The following ZNF491 variants were observed in gnomAD, a reference collection of about 807,000 sequenced individuals.
ZNF491 encodes the protein zinc finger protein 491.
ZNF491 carries 22 observed loss-of-function variants against 34.7 expected under a neutral mutation model. The observed-to-expected ratio is 0.63, with a 90% CI of 0.45 to 0.90. The LOEUF (loss-of-function observed/expected upper bound fraction) is 0.90, where lower values mean the gene tolerates loss of function less well. Among genes scored for constraint, ZNF491 ranks in the 40% least tolerant of loss-of-function variants. The pLI is 0.00. For synonymous variants in ZNF491, 148 were observed against 174.3 expected (o/e 0.85, Z 1.19); for missense variants, 559 against 531.7 (o/e 1.05, Z -0.51).
At chr19:11,803,019 T>C (rs1042184418) in intron 1 of ZNF491, among the ~76,000 whole-genome samples, 1 of 151,714 alleles carries the variant, frequency 6.6e-6, no homozygotes, top group Non-Finnish European at 1.5e-5. Context: ...TCTCACTCTG[T>C]TGTCCAGGCT....
chr19:11,805,933 G>C lies in ZNF491; in HGVS notation c.-7-14G>C, dbSNP rs1272267766. On this transcript the variant is annotated splice_polypyrimidine_tract_variant and intron_variant, in intron 2 of 2. Coordinates refer to ENST00000323169, the MANE Select transcript of ZNF491 (RefSeq NM_152356.4). ...TAAACAGACCCTTAATTATGTGCTT[G>C]GCATTTTTCACAGAAATTTTATGGG... is the stretch of plus-strand genomic sequence containing the variant. The C allele has an allele frequency of 1.3e-6, 2 of 1,527,758 alleles. No homozygotes were observed. Among genetic ancestry groups the C allele is most frequent in the East Asian group, 2.3e-5 (1 of 44,424 alleles). 94.6% of individuals were successfully genotyped at this position (1,527,758 alleles called of 1,614,324 possible). A position where few individuals can be genotyped will look rare whatever the true frequency, so the allele number is the denominator to read the frequency against.
chr19:11,805,908 TA>T (rs2145100846), intron 2 of ZNF491, 38 bp from the exon 3 acceptor site: 1 of 1,461,802 alleles, frequency 6.8e-7, no homozygotes, highest in East Asian at 2.3e-5. Context: ...AAATCGCTTA[TA>T]AACAGACCCT....
chr19:11,800,423 T>C (rs2145095818), intron 1 of ZNF491, among the ~76,000 whole-genome samples: 1 of 152,312 alleles, frequency 6.6e-6, no homozygotes, highest in East Asian at 1.9e-4. Context: ...CCATGCTACA[T>C]TTGAAACAGC....
chr19:11,806,521 A>G lies in ZNF491; in HGVS notation c.568A>G (p.Lys190Glu), dbSNP rs1975615538. 1 of 1,614,170 alleles carries G rather than the reference A, an allele frequency of 6.2e-7. No homozygotes were observed. Among genetic ancestry groups the G allele is most frequent in the Admixed American group, 1.7e-5 (1 of 60,022 alleles). Residue 190 changes from lysine to glutamate, a missense_variant, in exon 3 of 3, where the codon AAG becomes GAG. By Grantham distance (56) the Lys-to-Glu change is moderately conservative. Coordinates refer to ENST00000323169, the MANE Select transcript of ZNF491 (RefSeq NM_152356.4). ...CACTGGGGAGAAGCCATATGAATGT[A>G]AGGAGTGTGGGAAATCATTCAATTT... ...THTGEKPYEC[K>E]ECGKSFNFSS...
intron 1 of ZNF491, among the ~76,000 whole-genome samples, chr19:11,800,189 T>A (rs551721467): frequency 6.6e-6 from 1 of 152,222 alleles, no homozygotes; most frequent in African/African-American, 2.4e-5. Context: ...TAGAAGGGTT[T>A]TTGCTACCAC....
Position 11,804,764 on chromosome 19 carries a change from CT to C in ZNF491, c.-8+99del, listed in dbSNP as rs572141976. The C allele has an allele frequency of 3.9e-5, 20 of 513,014 alleles. No homozygotes were observed. In the East Asian group the frequency reaches 1.4e-3, roughly 37 times the overall value. 31.8% of individuals were successfully genotyped at this position (513,014 alleles called of 1,614,324 possible). A position where few individuals can be genotyped will look rare whatever the true frequency, so the allele number is the denominator to read the frequency against. On this transcript the variant is annotated intron_variant, in intron 2 of 2. Transcript: ENST00000323169. ...GGATTTGGAATATGGATAGGCAATC[CT>C]TCGATGAACAAATCAGGCATGGCTG...
rs986063664 is a variant in ZNF491 at position 11,807,660 on chromosome 19, A to G, written c.*393A>G. 1 of 188,828 alleles carries G rather than the reference A, an allele frequency of 5.3e-6. No individual in the cohort carries two copies. Among genetic ancestry groups the G allele is most frequent in the Non-Finnish European group, 1.2e-5 (1 of 82,578 alleles). 11.7% of individuals were successfully genotyped at this position (188,828 alleles called of 1,614,324 possible). ...CCCAGAAGCTCCACATTCAAGTTCT[A>G]TCTACAGTTTGGTTTTTCTTTAAGT... On this transcript the variant is annotated 3_prime_UTR_variant, in exon 3 of 3. Transcript: ENST00000323169.
chr19:11,804,314 G>C (rs1215569266), intron 1 of ZNF491, among the ~76,000 whole-genome samples: 6 of 152,076 alleles, frequency 3.9e-5, no homozygotes, highest in African/African-American at 1.4e-4. Flanking sequence ...CGTGGCAGAA[G>C]GCTACATTTT....
At chr19:11,805,409 CAAAAA>C (rs971587205) in intron 2 of ZNF491, among the ~76,000 whole-genome samples, 884 of 48,980 alleles carry the variant, frequency 0.018, 2 homozygotes, top group African/African-American at 0.063. Flanking sequence ...AACTCCGTCT[CAAAAA>C]AAAAAAAAAA....
In ZNF491 at chr19:11,806,484, T is replaced by A. The variant is rs762301748; in HGVS notation, c.531T>A (p.His177Gln). 153 of 1,613,764 alleles carry A rather than the reference T, an allele frequency of 9.5e-5. No individual in the cohort carries two copies. Among genetic ancestry groups the A allele is most frequent in the Non-Finnish European group, 1.3e-4 (150 of 1,179,934 alleles). Reference sequence around the variant, plus strand: ...GTTGGCACAGTTCTGTTCGAATCCATGAAAGAACTCACACTGGGGAGAAGC... The same window carrying A: ...GTTGGCACAGTTCTGTTCGAATCCAAGAAAGAACTCACACTGGGGAGAAGC... ...AFSWHSSVRI[H>Q]ERTHTGEKPY... The change falls in exon 3 of 3, where the codon CAT becomes CAA. Residue 177 changes from histidine to glutamine, a missense_variant. Coordinates refer to ENST00000323169, the MANE Select transcript of ZNF491 (RefSeq NM_152356.4).
intron 2 of ZNF491, 136 bp from the exon 3 acceptor site, chr19:11,805,811 C>CA (rs1354453805): frequency 1.4e-6 from 1 of 705,898 alleles, no homozygotes; most frequent in African/African-American, 1.8e-5. Flanking sequence ...CACACCACTG[C>CA]ACTCCAGCCT....
Position 11,807,996 on chromosome 19 carries a change from T to A in ZNF491, c.*729T>A, listed in dbSNP as rs1451567741. 6.0e-6 allele frequency: 1 copy of A among 167,138 alleles called. No individual in the cohort carries two copies. The highest frequency in any genetic ancestry group is 1.5e-5 in the Non-Finnish European group (1 of 68,126). The allele number at this position is 167,138 out of a possible 1,614,324, so 10.4% of individuals were successfully genotyped here. A position where few individuals can be genotyped will look rare whatever the true frequency, so the allele number is the denominator to read the frequency against. The stretch of plus-strand genomic sequence containing the variant: ...GTTTCCTGTTATCCACAGGAGAATG[T>A]AATGCCTCAGTTCATTTTCAGTTAT... On this transcript the variant is annotated 3_prime_UTR_variant, in exon 3 of 3. Coordinates refer to ENST00000323169, the MANE Select transcript of ZNF491 (RefSeq NM_152356.4).
In ZNF491 at chr19:11,806,741, G is replaced by C. The variant is rs1975619418; in HGVS notation, c.788G>C (p.Arg263Thr). 6.2e-7 allele frequency: 1 copy of C among 1,613,842 alleles called. No individual in the cohort carries two copies. The highest frequency in any genetic ancestry group is 1.3e-5 in the African/African-American group (1 of 74,892). ...CTTATAAGCTTTCGAAGACACATGA[G>C]AATGCACACTGGAGAGAGGCCTCAT... ...SRLISFRRHMRMHTGERPHKC... is the reference protein window; with the variant it reads ...SRLISFRRHMTMHTGERPHKC... The change falls in exon 3 of 3, where the codon AGA (arginine) becomes ACA (threonine). Residue 263 changes from arginine (R) to threonine (T), a missense_variant. By Grantham distance (71) the Arg-to-Thr change is moderately conservative. Transcript: ENST00000323169.
rs1568234642 is a variant in ZNF491 at position 11,807,211 on chromosome 19, T to G, written c.1258T>G (p.Phe420Val). ...PYQCKECGKA[F>V]IRSSYCRKHE... ...CCAATGTAAGGAATGTGGGAAAGCC[T>G]TCATTCGTTCCAGTTACTGTCGAAA... is the stretch of plus-strand genomic sequence containing the variant. Residue 420 changes from phenylalanine (F) to valine (V), a missense_variant, in exon 3 of 3, where the codon TTC becomes GTC. By Grantham distance (50) the Phe-to-Val change is conservative. Coordinates refer to ENST00000323169, the MANE Select transcript of ZNF491 (RefSeq NM_152356.4). The G allele has an allele frequency of 6.3e-7, 1 of 1,580,610 alleles. No individual in the cohort carries two copies. Among genetic ancestry groups the G allele is most frequent in the East Asian group, 2.2e-5 (1 of 44,590 alleles).
Position 11,806,931 on chromosome 19 carries a change from C to A in ZNF491, c.978C>A (p.Pro326=), listed in dbSNP as rs73922693. Residue 326 remains proline (P), a synonymous_variant, in exon 3 of 3, where the codon CCC becomes CCA. Transcript: ENST00000323169. ...AAAGGACTCACACTGGAGAGAAACCCGATGGGTGTAAGCAATGTGGGAAAG... is the reference window on the plus strand; with the variant it reads ...AAAGGACTCACACTGGAGAGAAACCAGATGGGTGTAAGCAATGTGGGAAAG... The part of the protein sequence containing the change: ...YHERTHTGEK[P]DGCKQCGKAF... The A allele has an allele frequency of 3.3e-3, 5,260 of 1,610,502 alleles. 148 individuals are homozygous for A. In the East Asian group the frequency reaches 0.074, roughly 23 times the overall value.
At position 11,807,102 on chromosome 19, in the gene ZNF491, T is replaced by A; in HGVS notation, c.1149T>A (p.Tyr383Ter). The change falls in exon 3 of 3, where the codon TAT becomes TAA. Residue 383 changes from tyrosine (Y) to a stop codon, truncating the protein, a stop_gained. Transcript: ENST00000323169. LOFTEE classifies it high-confidence loss of function. ...GGACTCACGCTGGAGAAAAACCTTATGAATGTAAGCATTGTGGGAAAGCCT... is the reference window on the plus strand; with the variant it reads ...GGACTCACGCTGGAGAAAAACCTTAAGAATGTAAGCATTGTGGGAAAGCCT... The part of the protein sequence containing the change: ...HERTHAGEKP[Y>*]ECKHCGKAFT... 11 of 1,610,020 alleles carry A rather than the reference T, an allele frequency of 6.8e-6. No individual in the cohort carries two copies. The highest frequency in any genetic ancestry group is 9.3e-6 in the Non-Finnish European group (11 of 1,178,840).
rs1253158642 is a variant in ZNF491, at chr19:11,798,923, C to T, written c.-134+196C>T. 2.0e-5 allele frequency among the ~76,000 whole-genome samples: 3 copies of T among 152,174 alleles called. No individual in the cohort carries two copies. The highest frequency in any genetic ancestry group is 7.2e-5 in the African/African-American group (3 of 41,440). On this transcript the variant is annotated intron_variant, in intron 1 of 2. Transcript: ENST00000323169. This position sits in a 1 kb window ranked among gnomAD's most constrained non-coding sequence, Gnocchi z 4.0. ...GGCCCGCAGCTGGGACCCCGGGCGTCCTGTCCCGTCCCTACGCGGCGACTG... is the reference window on the plus strand; with the variant it reads ...GGCCCGCAGCTGGGACCCCGGGCGTTCTGTCCCGTCCCTACGCGGCGACTG...
chr19:11,806,520 T>A lies in ZNF491; in HGVS notation c.567T>A (p.Cys189Ter), dbSNP rs777781838. 6.2e-7 allele frequency: 1 copy of A among 1,614,054 alleles called. No individual in the cohort carries two copies. The highest frequency in any genetic ancestry group is 8.5e-7 in the Non-Finnish European group (1 of 1,180,028). ...RTHTGEKPYE[C>*]KECGKSFNFS... is the part of the protein sequence containing the mutation. ...ACACTGGGGAGAAGCCATATGAATG[T>A]AAGGAGTGTGGGAAATCATTCAATT... The change falls in exon 3 of 3, where the codon TGT becomes TGA. Residue 189 changes from cysteine (C) to a stop codon, truncating the protein, a stop_gained. Transcript: ENST00000323169. LOFTEE classifies it high-confidence loss of function.
Position 11,805,998 on chromosome 19 carries a change from AG to A in ZNF491, c.46del (p.Glu16LysfsTer11). ...AGAGTGCAGAAGGTAGTCAGTGTGG[AG>A]AAACTTTCACCCAGGTTCCGGAAGA... is the stretch of plus-strand genomic sequence containing the variant. The part of the protein sequence containing the change: ...FESAEGSQCG[E>X]TFTQVPEDML... On this transcript the variant is annotated frameshift_variant, in exon 3 of 3. Transcript: ENST00000323169. LOFTEE classifies it high-confidence loss of function. 3 of 1,609,508 alleles carry A rather than the reference AG, an allele frequency of 1.9e-6. No individual in the cohort carries two copies. The highest frequency in any genetic ancestry group is 2.5e-6 in the Non-Finnish European group (3 of 1,178,018).
Sources: gnomAD v4.1 joint callset for allele counts (sites outside exome capture counted in the v4.1 genomes callset) on GRCh38, gnomAD v4.1.1 for gene constraint, Gnocchi (gnomAD v3.1) non-coding constraint, MANE v1.5 for transcripts, NCBI Gene and HGNC (gene_info 2026-07-23, HGNC 2026-07-21) for gene names.